Variants in PRIM2 observed in about 807,000 individuals in gnomAD.
The protein encoded by PRIM2 is DNA primase subunit 2.
In PRIM2, 39 loss-of-function variants were observed where a neutral mutation model predicts 67.3. That is an observed-to-expected ratio of 0.58 (90% CI 0.45 to 0.76). The LOEUF is 0.76. PRIM2 is among the 30% of genes least tolerant of loss of function. The pLI, the probability that PRIM2 is intolerant of heterozygous loss-of-function variation, is 0.00. For missense variants in PRIM2, 398 were observed against 598.7 expected (o/e 0.66, Z 3.50); for synonymous variants, 143 against 198.7 (o/e 0.72, Z 2.36).
At chr6:57,272,526 A>T in the PRIM2 span, among the ~76,000 whole-genome samples, 42 of 152,176 alleles carry the variant, frequency 2.8e-4, no homozygotes, top group Non-Finnish European at 5.1e-4. Context: ...GTGTCTCTAC[A>T]CATGAGATGG....
chr6:57,311,015 A>T, upstream of PRIM2, among the ~76,000 whole-genome samples: 1 of 105,710 alleles, frequency 9.5e-6, no homozygotes, highest in Non-Finnish European at 1.9e-5. Context: ...TTCCTAGTCT[A>T]GGCGGCCGGG....
At chr6:57,406,137 G>A (rs1770881575) in intron 7 of PRIM2, among the ~76,000 whole-genome samples, 1 of 152,190 alleles carries the variant, frequency 6.6e-6, no homozygotes, top group Non-Finnish European at 1.5e-5. Context: ...TTAGATGTAA[G>A]CATTCCCTTG....
chr6:57,278,958 A>G, the PRIM2 span, among the ~76,000 whole-genome samples: 1 of 152,246 alleles, frequency 6.6e-6, no homozygotes, highest in Non-Finnish European at 1.5e-5. Context: ...TAAGAAAAAA[A>G]GACTATTTGT....
chr6:57,275,689 T>G, the PRIM2 span, among the ~76,000 whole-genome samples: 1 of 152,224 alleles, frequency 6.6e-6, no homozygotes. Flanking sequence ...TTTCCTCCAC[T>G]TTCATTGCCA....
the PRIM2 span, among the ~76,000 whole-genome samples, chr6:57,296,852 T>A: frequency 6.6e-6 from 1 of 152,082 alleles, no homozygotes; most frequent in Non-Finnish European, 1.5e-5. Context: ...AAAAGATGGG[T>A]CTGTAACATT....
chr6:57,574,940 A>G (rs1439074513), intron 10 of PRIM2, among the ~76,000 whole-genome samples: 1 of 152,158 alleles, frequency 6.6e-6, no homozygotes, highest in Non-Finnish European at 1.5e-5. Context: ...TGTCCTGGGC[A>G]TTGTTGTGGG....
chr6:57,590,736 A>G (rs1177447662), intron 10 of PRIM2, among the ~76,000 whole-genome samples: 267 of 152,332 alleles, frequency 1.8e-3, no homozygotes, highest in Admixed American at 3.7e-3. Flanking sequence ...CCAAAGCTCT[A>G]GGCCTAGTTG....
chr6:57,446,418 C>CTTTTTTTTTTGTTTTTTTTTTTT (rs1772367331), intron 7 of PRIM2, among the ~76,000 whole-genome samples: 1 of 83,814 alleles, frequency 1.2e-5, no homozygotes, highest in Admixed American at 1.4e-4. Context: ...CACGCCACTT[C>CTTTTTTTTTTGTTTTTTTTTTTT]TTTTTTTTTT....
chr6:57,454,087 G>A (rs185126279), intron 7 of PRIM2, among the ~76,000 whole-genome samples: 1 of 152,096 alleles, frequency 6.6e-6, no homozygotes, highest in Non-Finnish European at 1.5e-5. Context: ...GTTGGATTAC[G>A]TTTATTGATT....
At chr6:57,374,303 A>ATTTATTTATTTATTTTTTT (rs1554331462) in intron 5 of PRIM2, among the ~76,000 whole-genome samples, 5 of 139,880 alleles carry the variant, frequency 3.6e-5, no homozygotes, top group African/African-American at 7.9e-5. Context: ...TTATTTATTT[A>ATTTATTTATTTATTTTTTT]TTTTTTTTGA....
Position 57,437,512 on chromosome 6 carries a change from G to C in PRIM2, c.693+55344G>C, listed in dbSNP as rs143408690. Among the ~76,000 whole-genome samples, 57 of 152,176 alleles carry C rather than the reference G, an allele frequency of 3.7e-4. 1 individual carries two copies. The South Asian group carries it at 0.012, about 31-fold the overall frequency. ...CTTAGCACAGAGCTGAGGTGACAGA[G>C]GTAAAATCATAGAGTGACACAGGAA... On this transcript the variant is annotated intron_variant, in intron 7 of 13. Coordinates refer to ENST00000615550, the MANE Select transcript of PRIM2 (RefSeq NM_000947.5).
chr6:57,221,563 G>C, the PRIM2 span, among the ~76,000 whole-genome samples: 5 of 152,226 alleles, frequency 3.3e-5, no homozygotes, highest in Admixed American at 2.0e-4. Context: ...AACCTAACCT[G>C]AGCACTTCAC....
upstream of PRIM2, among the ~76,000 whole-genome samples, chr6:57,316,059 A>G (rs1042069453): frequency 6.6e-6 from 1 of 152,206 alleles, no homozygotes; most frequent in African/African-American, 2.4e-5. Flanking sequence ...TCGTTAGCAC[A>G]GTGGGGCCTG....
the PRIM2 span, among the ~76,000 whole-genome samples, chr6:57,256,731 C>T: frequency 1.4e-5 from 2 of 140,608 alleles, no homozygotes; most frequent in Non-Finnish European, 3.0e-5. Context: ...CACACACACA[C>T]ACACACACAC....
At chr6:57,510,553 T>C (rs1774342932) in intron 8 of PRIM2, among the ~76,000 whole-genome samples, 1 of 152,138 alleles carries the variant, frequency 6.6e-6, no homozygotes, top group Non-Finnish European at 1.5e-5. Flanking sequence ...TTTAAGGGCT[T>C]TTATTCTCTG....
intron 6 of PRIM2, among the ~76,000 whole-genome samples, chr6:57,380,698 C>T (rs1457615346): frequency 3.3e-5 from 5 of 151,698 alleles, no homozygotes; most frequent in African/African-American, 1.2e-4. Flanking sequence ...ATTCCAGCTT[C>T]TTCGTTTCGA....
intron 7 of PRIM2, among the ~76,000 whole-genome samples, chr6:57,438,548 T>C (rs1051470862): frequency 2.6e-5 from 4 of 152,202 alleles, no homozygotes; most frequent in Admixed American, 6.5e-5. Flanking sequence ...AGAAGTTATA[T>C]TACCTAAGCA....
At chr6:57,577,173 C>T (rs1775978589) in intron 10 of PRIM2, among the ~76,000 whole-genome samples, 1 of 152,108 alleles carries the variant, frequency 6.6e-6, no homozygotes, top group Non-Finnish European at 1.5e-5. Context: ...GAAGAGATTA[C>T]TTGTGTTTCT....
At chr6:57,353,956 G>C (rs1468544587) in intron 5 of PRIM2, among the ~76,000 whole-genome samples, 1 of 152,166 alleles carries the variant, frequency 6.6e-6, no homozygotes, top group Non-Finnish European at 1.5e-5. Context: ...CCATCATTCT[G>C]TGTGAGAGAG....
Sources: allele counts gnomAD v4.1 joint callset (sites outside exome capture counted in the v4.1 genomes callset), GRCh38; gene constraint gnomAD v4.1.1; transcripts MANE v1.5; gene names NCBI Gene and HGNC (gene_info 2026-07-23, HGNC 2026-07-21).